The following CTNND2 variants were observed in gnomAD, a reference collection of about 807,000 sequenced individuals.
CTNND2 encodes the protein catenin delta-2.
In CTNND2, 22 loss-of-function variants were observed where a neutral mutation model predicts 144.4. That is an observed-to-expected ratio of 0.15 (90% CI 0.11 to 0.22). CTNND2 has a LOEUF of 0.22. CTNND2 is among the 10% of genes least tolerant of loss of function. The pLI, the probability that CTNND2 is intolerant of heterozygous loss-of-function variation, is 1.00. For missense variants in CTNND2, 1,353 were observed against 1,618.8 expected, an observed-to-expected ratio of 0.84 and a Z score of 2.82; for synonymous variants, 751 against 695.6, an observed-to-expected ratio of 1.08 and a Z score of -1.25.
At chr5:11,483,231 T>C (rs1451890496) in intron 3 of CTNND2, among the ~76,000 whole-genome samples, 1 of 152,182 alleles carries the variant, frequency 6.6e-6, no homozygotes, top group Non-Finnish European at 1.5e-5. Flanking sequence ...CAGTCAAAGA[T>C]AATACCTGAT....
intron 20 of CTNND2, among the ~76,000 whole-genome samples, chr5:10,984,081 A>G (rs888552974): frequency 6.6e-6 from 1 of 151,956 alleles, no homozygotes; most frequent in Non-Finnish European, 1.5e-5. Flanking sequence ...CCATCTCATT[A>G]CCCTGATCAG....
intron 10 of CTNND2, among the ~76,000 whole-genome samples, chr5:11,202,929 C>T (rs985189553): frequency 3.3e-5 from 5 of 152,100 alleles, no homozygotes; most frequent in African/African-American, 9.7e-5. Flanking sequence ...CTCAGCCTCC[C>T]GAGTAGCTGG....
intron 1 of CTNND2, among the ~76,000 whole-genome samples, chr5:11,849,936 TC>T: frequency 6.6e-6 from 1 of 152,234 alleles, no homozygotes; most frequent in East Asian, 1.9e-4. Flanking sequence ...GACCTCCTTT[TC>T]CAGCAATCTG....
intron 6 of CTNND2, among the ~76,000 whole-genome samples, chr5:11,396,729 ATAGAGGGAGTAAC>A (rs1422575256): frequency 6.6e-6 from 1 of 152,234 alleles, no homozygotes; most frequent in Admixed American, 6.5e-5. Flanking sequence ...ACATATAGAC[ATAGAGGGAGTAAC>A]TAGATGGACA....
intron 3 of CTNND2, among the ~76,000 whole-genome samples, chr5:11,477,685 G>A (rs1309545222): frequency 2.0e-5 from 3 of 152,026 alleles, no homozygotes; most frequent in African/African-American, 4.8e-5. Context: ...AAGGCTCTGC[G>A]GTGTCTGACA....
At chr5:11,564,309 A>G (rs1776905350) in intron 3 of CTNND2, among the ~76,000 whole-genome samples, 1 of 152,216 alleles carries the variant, frequency 6.6e-6, no homozygotes, top group African/African-American at 2.4e-5. Flanking sequence ...ACACACATGC[A>G]CACATACACT....
intron 9 of CTNND2, among the ~76,000 whole-genome samples, chr5:11,266,990 TGCCTCA>T (rs1745509541): frequency 6.6e-6 from 1 of 152,202 alleles, no homozygotes; most frequent in African/African-American, 2.4e-5. Flanking sequence ...GCAATTCTCC[TGCCTCA>T]GCCTCCCGAG....
At chr5:11,738,972 TG>T (rs906826446) in intron 1 of CTNND2, among the ~76,000 whole-genome samples, 3 of 152,158 alleles carry the variant, frequency 2.0e-5, no homozygotes, top group South Asian at 2.1e-4. Context: ...AAGTATGCTG[TG>T]GGAAGCTAGA....
chr5:11,278,723 G>A (rs948994302), intron 9 of CTNND2, among the ~76,000 whole-genome samples: 2 of 152,208 alleles, frequency 1.3e-5, no homozygotes, highest in African/African-American at 4.8e-5. Flanking sequence ...GAGTCTGGAT[G>A]AAGGAGGGAA....
intron 1 of CTNND2, among the ~76,000 whole-genome samples, chr5:11,891,547 T>G (rs1218448526): frequency 6.6e-6 from 1 of 152,026 alleles, no homozygotes; most frequent in African/African-American, 2.4e-5. Context: ...AGGTAATTAG[T>G]GTTAGATTAG....
At chr5:11,799,627 A>G (rs1003824447) in intron 1 of CTNND2, among the ~76,000 whole-genome samples, 3 of 152,184 alleles carry the variant, frequency 2.0e-5, no homozygotes, top group Non-Finnish European at 4.4e-5. Context: ...TATTACTACC[A>G]TATTATGAAA....
intron 9 of CTNND2, among the ~76,000 whole-genome samples, chr5:11,315,216 G>A (rs1221642187): frequency 6.6e-6 from 1 of 152,200 alleles, no homozygotes; most frequent in Non-Finnish European, 1.5e-5. Flanking sequence ...ACTAGAAAGA[G>A]TGGAGCAGTT....
chr5:11,733,181 G>A (rs1299281294), intron 1 of CTNND2, among the ~76,000 whole-genome samples: 4 of 152,186 alleles, frequency 2.6e-5, no homozygotes, highest in South Asian at 2.1e-4. Context: ...CCCAGGGACT[G>A]TGGGAACCCC....
intron 3 of CTNND2, among the ~76,000 whole-genome samples, chr5:11,465,303 T>C (rs1384122928): frequency 1.1e-5 from 1 of 92,208 alleles, no homozygotes; most frequent in South Asian, 2.9e-4. Context: ...AAAACTGAAC[T>C]TTTTTTTTTT....
chr5:11,036,591 T>C (rs1034111692), intron 16 of CTNND2, among the ~76,000 whole-genome samples: 2 of 152,184 alleles, frequency 1.3e-5, no homozygotes, highest in Non-Finnish European at 2.9e-5. Context: ...TGGCTAATTT[T>C]TTGTATTTTT....
intron 9 of CTNND2, among the ~76,000 whole-genome samples, chr5:11,325,696 AC>A (rs1752456394): frequency 6.6e-6 from 1 of 151,752 alleles, no homozygotes; most frequent in Admixed American, 6.6e-5. Context: ...GCCTCATTAT[AC>A]CCCCTCCCTA....
chr5:11,717,845 C>T (rs1018757262), intron 2 of CTNND2, among the ~76,000 whole-genome samples: 12 of 152,232 alleles, frequency 7.9e-5, no homozygotes, highest in African/African-American at 1.7e-4. Context: ...CTCCACCTGG[C>T]CCCACTCTTG....
At chr5:11,687,648 T>C (rs951405456) in intron 2 of CTNND2, among the ~76,000 whole-genome samples, 1 of 152,184 alleles carries the variant, frequency 6.6e-6, no homozygotes, top group African/African-American at 2.4e-5. Flanking sequence ...CACACACAGA[T>C]AATATCTGTA....
chr5:11,356,620 T>A (rs1345329101), intron 8 of CTNND2, among the ~76,000 whole-genome samples: 1 of 151,960 alleles, frequency 6.6e-6, no homozygotes, highest in Non-Finnish European at 1.5e-5. Context: ...GTAAAATGCT[T>A]CACAATATTG....
Sources: allele counts gnomAD v4.1 joint callset (sites outside exome capture counted in the v4.1 genomes callset), GRCh38; gene constraint gnomAD v4.1.1; transcripts MANE v1.5; gene names NCBI Gene and HGNC (gene_info 2026-07-23, HGNC 2026-07-21).